The following CAPN9 variants were observed in gnomAD, a reference collection of about 807,000 sequenced individuals.
CAPN9 encodes calpain-9.
In CAPN9, 81 loss-of-function variants were observed where a neutral mutation model predicts 92.8. That is an observed-to-expected ratio of 0.87 (90% CI 0.73 to 1.05). CAPN9 has a LOEUF of 1.05. CAPN9 is among the 50% of genes least tolerant of loss of function. The pLI, the probability that CAPN9 is intolerant of heterozygous loss-of-function variation, is 0.00. For missense variants in CAPN9, 848 were observed against 866.2 expected (o/e 0.98, Z 0.26); for synonymous variants, 304 against 328.0 (o/e 0.93, Z 0.79).
At position 230,762,760 on chromosome 1, in the gene CAPN9, C is replaced by T. The variant is rs751230944; in HGVS notation, c.510C>T (p.Ser170=). Residue 170 remains serine, a synonymous_variant, in exon 4 of 20, where the codon AGC becomes AGT. Coordinates refer to ENST00000271971, the MANE Select transcript of CAPN9 (RefSeq NM_006615.3). ...CTGCCGACCACAACGAGTTCTGGAG[C>T]GCCTTGCTGGAAAAAGCCTACGCCA... The part of the protein sequence containing the change: ...LHSADHNEFW[S]ALLEKAYAKL... 7.4e-6 allele frequency: 12 copies of T among 1,613,932 alleles called. No individual in the cohort carries two copies. The African/African-American group carries it at 1.5e-4, about 20-fold the overall frequency.
At chr1:230,751,645 AAGAAAGAAAGAAAGAAAGAAAGAAAG>A (rs1664829140) in intron 1 of CAPN9, among the ~76,000 whole-genome samples, 1 of 95,112 alleles carries the variant, frequency 1.1e-5, no homozygotes, top group Non-Finnish European at 2.1e-5. Flanking sequence ...GAAAGAAAGA[AAGAAAGAAAGAAAGAAAGAAAGAAAG>A]AAAGAAAGAA....
At chr1:230,759,339 C>A (rs952217309) in intron 2 of CAPN9, among the ~76,000 whole-genome samples, 173 bp from the exon 3 acceptor site, 29 of 152,186 alleles carry the variant, frequency 1.9e-4, no homozygotes, top group Non-Finnish European at 3.8e-4. Flanking sequence ...GAAGAGCAGG[C>A]AAGGGAGGCA....
chr1:230,780,405 C>T, intron 10 of CAPN9, 69 bp downstream of exon 10: 1 of 1,598,126 alleles, frequency 6.3e-7, no homozygotes, highest in East Asian at 2.2e-5. Context: ...CCTCCTCGGT[C>T]TCACACCCGA....
intron 1 of CAPN9, among the ~76,000 whole-genome samples, chr1:230,752,229 C>A (rs372000073): frequency 3.3e-5 from 5 of 152,236 alleles, no homozygotes; most frequent in African/African-American, 1.2e-4. Flanking sequence ...GCATACACAC[C>A]ACTCCCAGGC....
chr1:230,752,389 A>C (rs1273373791), intron 1 of CAPN9, among the ~76,000 whole-genome samples: 1 of 152,158 alleles, frequency 6.6e-6, no homozygotes, highest in Non-Finnish European at 1.5e-5. Context: ...TTTATACCCG[A>C]TGGCTAATTT....
intron 1 of CAPN9, among the ~76,000 whole-genome samples, chr1:230,749,984 C>T (rs1664663204): frequency 6.6e-6 from 1 of 152,182 alleles, no homozygotes; most frequent in South Asian, 2.1e-4. Flanking sequence ...AAGCTGGACG[C>T]ACAAACCAGC....
At chr1:230,800,218 AATAAGAAAGAAAG>A (rs367980752) in intron 19 of CAPN9, among the ~76,000 whole-genome samples, 32,964 of 126,966 alleles carry the variant, frequency 0.26, 6,114 homozygotes, top group Non-Finnish European at 0.31. Flanking sequence ...AAGAAAGAAA[AATAAGAAAGAAAG>A]AAGAAAGAAA....
intron 1 of CAPN9, among the ~76,000 whole-genome samples, chr1:230,751,869 G>A (rs1448284418): frequency 6.7e-6 from 1 of 148,420 alleles, no homozygotes; most frequent in Admixed American, 6.7e-5. Flanking sequence ...GGGAGGGGAG[G>A]GGGAGGGGGA....
intron 3 of CAPN9, 137 bp downstream of exon 3, chr1:230,759,767 A>C: frequency 2.0e-6 from 1 of 508,696 alleles, no homozygotes; most frequent in Non-Finnish European, 3.4e-6. Context: ...ACCATGCTAA[A>C]GCCACATTTT....
chr1:230,789,664 AG>A (rs1667849010), intron 13 of CAPN9, among the ~76,000 whole-genome samples: 1 of 152,110 alleles, frequency 6.6e-6, no homozygotes, highest in African/African-American at 2.4e-5. Flanking sequence ...CCATATTCTC[AG>A]GTCCTCTGAT....
In CAPN9 at chr1:230,779,122, G is replaced by T. The variant is rs144137595; in HGVS notation, c.1103G>T (p.Arg368Leu). 3.9e-4 allele frequency: 623 copies of T among 1,612,034 alleles called. No homozygotes were observed. The highest frequency in any genetic ancestry group is 4.9e-4 in the Non-Finnish European group (574 of 1,179,810). ...WVRGSTAGGC[R>L]NFLDTFWTNP... ...CGCGGCTCCACGGCTGGGGGCTGCC[G>T]CAATTTCCTGGGTAGGTAGGCTGCC... is the stretch of plus-strand genomic sequence containing the variant. Residue 368 changes from arginine to leucine, a missense_variant, in exon 9 of 20, where the codon CGC becomes CTC. Coordinates refer to ENST00000271971, the MANE Select transcript of CAPN9 (RefSeq NM_006615.3).
chr1:230,779,081 T>G lies in CAPN9; in HGVS notation c.1062T>G (p.His354Gln). 6.2e-7 allele frequency: 1 copy of G among 1,613,366 alleles called. No homozygotes were observed. Among genetic ancestry groups the G allele is most frequent in the East Asian group, 2.2e-5 (1 of 44,848 alleles). ...TCCACAAATGGGAGGTGACGGTCCATCAGGGAAGCTGGGTTCGCGGCTCCA... is the reference window on the plus strand; with the variant it reads ...TCCACAAATGGGAGGTGACGGTCCAGCAGGGAAGCTGGGTTCGCGGCTCCA... ...DAIHKWEVTV[H>Q]QGSWVRGSTA... Residue 354 changes from histidine to glutamine, a missense_variant, in exon 9 of 20, where the codon CAT becomes CAG. Physicochemically the swap from His to Gln is conservative, Grantham distance 24. Coordinates refer to ENST00000271971, the MANE Select transcript of CAPN9 (RefSeq NM_006615.3).
chr1:230,748,385 C>T (rs1362767496), intron 1 of CAPN9, among the ~76,000 whole-genome samples: 1 of 152,154 alleles, frequency 6.6e-6, no homozygotes, highest in African/African-American at 2.4e-5. Flanking sequence ...TCTGACCCGG[C>T]GCCAGCTGGG....
chr1:230,771,009 T>C (rs917934226), intron 6 of CAPN9, among the ~76,000 whole-genome samples: 10 of 152,190 alleles, frequency 6.6e-5, no homozygotes, highest in African/African-American at 1.9e-4. Context: ...ATAGATGACT[T>C]GCAGATTGCT....
chr1:230,772,823 G>T (rs1252991636), intron 7 of CAPN9, among the ~76,000 whole-genome samples: 2 of 150,938 alleles, frequency 1.3e-5, no homozygotes, highest in Non-Finnish European at 1.5e-5. Context: ...CTGTTAACCA[G>T]AGTTTTGGCC....
chr1:230,801,572 C>A lies in CAPN9; in HGVS notation c.2049C>A (p.Phe683Leu), dbSNP rs771067620. Reference protein sequence around the residue: ...KEFIHLNINEFIHLTMNI With the variant: ...KEFIHLNINELIHLTMNI Reference sequence around the variant, plus strand: ...CATCTCTCTCTCTCTCTTCCCAGTTCATCCATTTGACAATGAACATCTGAG... The same window carrying A: ...CATCTCTCTCTCTCTCTTCCCAGTTAATCCATTTGACAATGAACATCTGAG... Residue 683 changes from phenylalanine to leucine, a missense_variant and splice_region_variant, in exon 20 of 20, where the codon TTC becomes TTA. Transcript: ENST00000271971. 3 of 1,613,830 alleles carry A rather than the reference C, an allele frequency of 1.9e-6. No homozygotes were observed. In the African/African-American group the frequency reaches 4.0e-5, roughly 22 times the overall value.
intron 1 of CAPN9, 137 bp from the exon 2 acceptor site, chr1:230,755,200 G>T: frequency 1.5e-6 from 1 of 665,344 alleles, no homozygotes; most frequent in Non-Finnish European, 2.6e-6. Flanking sequence ...TTACATCCAC[G>T]TGGCCCTCCT....
rs1668740315 is a variant in CAPN9 at position 230,801,798 on chromosome 1, A to G, written c.*202A>G. ...TTTTGTGCTACTCCTTTGTAAAGTC[A>G]CTGCCTTAAGGGGGCTGATGGCGCC... On this transcript the variant is annotated 3_prime_UTR_variant, in exon 20 of 20. Coordinates refer to ENST00000271971, the MANE Select transcript of CAPN9 (RefSeq NM_006615.3). The G allele has an allele frequency of 1.6e-6, 1 of 616,332 alleles. No individual in the cohort carries two copies. Among genetic ancestry groups the G allele is most frequent in the Non-Finnish European group, 2.9e-6 (1 of 342,156 alleles). 38.2% of individuals were successfully genotyped at this position (616,332 alleles called of 1,614,324 possible). A position where few individuals can be genotyped will look rare whatever the true frequency, so the allele number is the denominator to read the frequency against.
chr1:230,757,334 G>C (rs114122555), intron 2 of CAPN9, among the ~76,000 whole-genome samples: 1 of 151,916 alleles, frequency 6.6e-6, no homozygotes, highest in Non-Finnish European at 1.5e-5. Flanking sequence ...CCTTCCCCTC[G>C]ACCCCGTAGT....
Sources: allele counts gnomAD v4.1 joint callset (sites outside exome capture counted in the v4.1 genomes callset), GRCh38; gene constraint gnomAD v4.1.1; transcripts MANE v1.5; gene names NCBI Gene and HGNC (gene_info 2026-07-23, HGNC 2026-07-21).